NMRK1: variants seen among roughly 807,000 people sequenced by gnomAD.
NMRK1 encodes the protein nicotinamide riboside kinase 1, also known as NRK 1.
Under a neutral mutation model 29.9 loss-of-function variants are expected in NMRK1, and 28 were observed. The ratio of observed to expected loss-of-function variants is 0.94; its 90% CI spans 0.69 to 1.28. The LOEUF (loss-of-function observed/expected upper bound fraction) is 1.28. NMRK1 is among the 50% of genes most tolerant of loss of function. The probability of loss-of-function intolerance (pLI) is 0.00; values close to 1 mark genes in which losing one functional copy is unlikely to be tolerated. For synonymous variants in NMRK1, 58 were observed against 73.0 expected (o/e 0.79, Z 1.05); for missense variants, 218 against 233.1 (o/e 0.94, Z 0.42).
chr9:75,083,179 C>T, intron 1 of NMRK1, 29 bp from the exon 2 acceptor site: 2 of 1,144,258 alleles, frequency 1.7e-6, no homozygotes, highest in Non-Finnish European at 2.6e-6. Context: ...ACAAACAAAT[C>T]AAATGCATTT....
At chr9:75,078,360 T>TC (rs1042265736) in intron 2 of NMRK1, 5 of 1,572,696 alleles carry the variant, frequency 3.2e-6, no homozygotes, top group African/African-American at 1.3e-5. Flanking sequence ...TGCCTCCTTT[T>TC]CCCCATCTCT....
chr9:75,080,025 G>A (rs750162200), intron 2 of NMRK1, among the ~76,000 whole-genome samples: 8 of 152,128 alleles, frequency 5.3e-5, no homozygotes, highest in Admixed American at 1.3e-4. Context: ...TATTTTTTAT[G>A]TGCCAGGTAA....
intron 1 of NMRK1, among the ~76,000 whole-genome samples, chr9:75,085,744 T>G (rs866238776): frequency 3.3e-5 from 5 of 150,408 alleles, no homozygotes; most frequent in Non-Finnish European, 7.4e-5. Flanking sequence ...TTTTTTTTTT[T>G]TTTTTTTTTA....
intron 8 of NMRK1, among the ~76,000 whole-genome samples, chr9:75,062,470 T>A (rs1342589372): frequency 6.6e-6 from 1 of 152,186 alleles, no homozygotes; most frequent in South Asian, 2.1e-4. Flanking sequence ...CTCTTCAGTG[T>A]ACAAAACAGA....
At chr9:75,069,857 C>A in intron 5 of NMRK1, 38 bp downstream of exon 5, 1 of 1,611,890 alleles carries the variant, frequency 6.2e-7, no homozygotes, top group Non-Finnish European at 8.5e-7. Flanking sequence ...TTTATCCCCC[C>A]ATTCACTCAG....
At chr9:75,066,616 T>A in intron 8 of NMRK1, 141 bp downstream of exon 8, 1 of 683,214 alleles carries the variant, frequency 1.5e-6, no homozygotes, top group East Asian at 2.7e-5. Flanking sequence ...AATTTCTGAT[T>A]CTGAATTATC....
At chr9:75,082,896 G>A (rs932192972) in intron 2 of NMRK1, 191 bp downstream of exon 2, 30 of 576,442 alleles carry the variant, frequency 5.2e-5, no homozygotes, top group Non-Finnish European at 8.1e-5. Context: ...CTGTTTCTCT[G>A]TTTATAGAAA....
intron 8 of NMRK1, among the ~76,000 whole-genome samples, chr9:75,064,761 C>G (rs554214522): frequency 1.3e-5 from 2 of 152,276 alleles, no homozygotes; most frequent in East Asian, 1.9e-4. Flanking sequence ...AACATTTGGA[C>G]TAGGGCAATT....
intron 8 of NMRK1, among the ~76,000 whole-genome samples, chr9:75,063,857 G>C (rs1468777752): frequency 2.0e-5 from 3 of 152,124 alleles, no homozygotes; most frequent in Non-Finnish European, 2.9e-5. Flanking sequence ...AAGGTGATAG[G>C]TTACTAGAAA....
At position 75,067,007 on chromosome 9, in the gene NMRK1, G is replaced by A. The variant is rs935454859; in HGVS notation, c.497-167C>T. 7 of 513,272 alleles carry A rather than the reference G, an allele frequency of 1.4e-5. No homozygotes were observed. In the African/African-American group the frequency reaches 1.4e-4, roughly 10 times the overall value. 31.8% of individuals were successfully genotyped at this position (513,272 alleles called of 1,614,324 possible). On this transcript the variant is annotated intron_variant, in intron 7 of 8. Transcript: ENST00000361092. ...TGATTAAAGAAAGAAATAGATGCTAGCCAGCTATAATAGGTCAAAAATATT... is the reference window on the plus strand; with the variant it reads ...TGATTAAAGAAAGAAATAGATGCTAACCAGCTATAATAGGTCAAAAATATT...
In NMRK1 at chr9:75,070,046, CAA is replaced by C. The variant is rs1289984354; in HGVS notation, c.170-6_170-5del. On this transcript the variant is annotated splice_region_variant and splice_polypyrimidine_tract_variant and intron_variant, in intron 4 of 8. Coordinates refer to ENST00000361092, the MANE Select transcript of NMRK1 (RefSeq NM_017881.3). ...TCCATGTTAAGTGCTTCAAGCACTT[CAA>C]ACAAACACACAAAAATATGCAATCA... is the stretch of plus-strand genomic sequence containing the variant. 5.6e-6 allele frequency: 9 copies of C among 1,602,960 alleles called. No individual in the cohort carries two copies. Among genetic ancestry groups the C allele is most frequent in the Non-Finnish European group, 7.6e-6 (9 of 1,176,824 alleles).
At chr9:75,085,023 G>A (rs1824536509) in intron 1 of NMRK1, among the ~76,000 whole-genome samples, 1 of 152,000 alleles carries the variant, frequency 6.6e-6, no homozygotes, top group Admixed American at 6.6e-5. Context: ...CTTTTTTTGG[G>A]AAGGGAGAGG....
chr9:75,087,146 C>A (rs2118303440), intron 1 of NMRK1, among the ~76,000 whole-genome samples: 1 of 152,186 alleles, frequency 6.6e-6, no homozygotes, highest in East Asian at 1.9e-4. Context: ...ACCTCGTGAT[C>A]CACCCGCCTT....
intron 7 of NMRK1, among the ~76,000 whole-genome samples, chr9:75,068,485 C>T (rs1267536054): frequency 1.3e-5 from 2 of 152,178 alleles, no homozygotes; most frequent in Non-Finnish European, 2.9e-5. Flanking sequence ...CTGGCCCTTT[C>T]GTGTGCCACA....
In NMRK1 at chr9:75,069,227, T is replaced by G; in HGVS notation, c.390-125A>C. On this transcript the variant is annotated intron_variant, in intron 6 of 8. Transcript: ENST00000361092. ...ATCTAAACAGGATTAGGACTACATG[T>G]ACTACATGTTTTAACTCAATGGCAG... 3 of 628,436 alleles carry G rather than the reference T, an allele frequency of 4.8e-6. No homozygotes were observed. In the East Asian group the frequency reaches 8.2e-5, roughly 17 times the overall value. 38.9% of individuals were successfully genotyped at this position (628,436 alleles called of 1,614,324 possible).
At chr9:75,077,337 T>G (rs977798054) in intron 3 of NMRK1, 130 bp from the exon 4 acceptor site, 1 of 833,536 alleles carries the variant, frequency 1.2e-6, no homozygotes, top group Admixed American at 2.1e-5. Flanking sequence ...TGATAGACAG[T>G]GCCATCTAGT....
intron 8 of NMRK1, among the ~76,000 whole-genome samples, chr9:75,065,379 A>G (rs1240369445): frequency 6.6e-6 from 1 of 152,144 alleles, no homozygotes; most frequent in African/African-American, 2.4e-5. Context: ...CATGTTGGCC[A>G]GGATGGTCTG....
chr9:75,065,844 A>C (rs1027035657), intron 8 of NMRK1, among the ~76,000 whole-genome samples: 4 of 152,256 alleles, frequency 2.6e-5, no homozygotes, highest in Admixed American at 6.5e-5. Context: ...AGAAGTGAGA[A>C]TAAATATGAA....
intron 1 of NMRK1, among the ~76,000 whole-genome samples, chr9:75,084,253 C>T (rs1250674032): frequency 2.0e-5 from 3 of 152,178 alleles, no homozygotes; most frequent in South Asian, 2.1e-4. Context: ...GGACCTAGGC[C>T]GTGTAGCCAG....
Sources: gnomAD v4.1 joint callset for allele counts (sites outside exome capture counted in the v4.1 genomes callset) on GRCh38, gnomAD v4.1.1 for gene constraint, MANE v1.5 for transcripts, NCBI Gene and HGNC (gene_info 2026-07-23, HGNC 2026-07-21) for gene names.